FBXL17: variants seen among roughly 807,000 people sequenced by gnomAD.
FBXL17 encodes F-box/LRR-repeat protein 17.
Under a neutral mutation model 66.2 loss-of-function variants are expected in FBXL17, and 22 were observed. The ratio of observed to expected loss-of-function variants is 0.33; its 90% CI spans 0.24 to 0.47. FBXL17 has a LOEUF of 0.47. FBXL17 is among the 20% of genes least tolerant of loss of function. FBXL17 has a pLI of 1.00. For synonymous variants in FBXL17, 474 were observed against 400.5 expected (o/e 1.18, Z -2.19); for missense variants, 878 against 948.2 (o/e 0.93, Z 0.97).
At chr5:108,172,500 A>T (rs1752645040) in intron 6 of FBXL17, among the ~76,000 whole-genome samples, 1 of 152,234 alleles carries the variant, frequency 6.6e-6, no homozygotes, top group Non-Finnish European at 1.5e-5. Flanking sequence ...TATCTTCTAC[A>T]AAATAGAGAA....
At chr5:108,126,340 C>T (rs1411096590) in intron 6 of FBXL17, among the ~76,000 whole-genome samples, 2 of 152,014 alleles carry the variant, frequency 1.3e-5, no homozygotes, top group African/African-American at 4.8e-5. Context: ...GGTTCACTCA[C>T]TTCCCTCTAT....
At chr5:108,220,225 T>C (rs1373168568) in intron 5 of FBXL17, among the ~76,000 whole-genome samples, 1 of 152,046 alleles carries the variant, frequency 6.6e-6, no homozygotes, top group Admixed American at 6.6e-5. Context: ...CCTGGGATTC[T>C]TCTATGCAGT....
chr5:108,186,072 A>C (rs763671556), intron 6 of FBXL17, 45 bp downstream of exon 6: 1 of 1,461,102 alleles, frequency 6.8e-7, no homozygotes, highest in South Asian at 1.2e-5. Flanking sequence ...TATTTCCTAA[A>C]TGTTTTCCTC....
intron 4 of FBXL17, among the ~76,000 whole-genome samples, chr5:108,254,164 A>G (rs945575114): frequency 6.6e-6 from 1 of 152,224 alleles, no homozygotes; most frequent in Non-Finnish European, 1.5e-5. Flanking sequence ...TTCAAGTTGC[A>G]TTATATACTA....
At position 108,048,010 on chromosome 5, in the gene FBXL17, T is replaced by G. The variant is rs551574764; in HGVS notation, c.1746-27009A>C. Among the ~76,000 whole-genome samples, 122 of 152,272 alleles carry G rather than the reference T, an allele frequency of 8.0e-4. 1 individual carries two copies. The highest frequency in any genetic ancestry group is 2.8e-3 in the African/African-American group (116 of 41,552). On this transcript the variant is annotated intron_variant, in intron 6 of 8. Transcript: ENST00000542267. The stretch of plus-strand genomic sequence containing the variant: ...ACTGGGTGAGACCCTCCAACAGGGG[T>G]TGTCAGACACCCTAGAAAAGAGCGA...
intron 4 of FBXL17, among the ~76,000 whole-genome samples, chr5:108,325,639 C>A (rs969936335): frequency 1.3e-5 from 2 of 152,060 alleles, no homozygotes; most frequent in Non-Finnish European, 2.9e-5. Flanking sequence ...AGTTCTTAAG[C>A]AGGAAAGCAA....
Position 107,952,785 on chromosome 5 carries a change from A to G in FBXL17, c.1822+68140T>C, listed in dbSNP as rs551722952. ...CAGATTAAACTATACAGTGTACATG[A>G]ATATAGTTTGGACTAAGGAAGTCCA... is the stretch of plus-strand genomic sequence containing the variant. On this transcript the variant is annotated intron_variant, in intron 7 of 8. Coordinates refer to ENST00000542267, the MANE Select transcript of FBXL17 (RefSeq NM_001163315.3). 1.1e-4 allele frequency among the ~76,000 whole-genome samples: 17 copies of G among 152,328 alleles called. No individual in the cohort carries two copies. The South Asian group carries it at 2.9e-3, about 26-fold the overall frequency.
chr5:108,327,355 A>G (rs1464074470), intron 4 of FBXL17, among the ~76,000 whole-genome samples: 1 of 152,204 alleles, frequency 6.6e-6, no homozygotes, highest in South Asian at 2.1e-4. Context: ...CATTTCAGTT[A>G]TAAGCCAGTA....
intron 8 of FBXL17, among the ~76,000 whole-genome samples, chr5:107,869,290 CTG>C (rs1748376991): frequency 6.6e-6 from 1 of 152,160 alleles, no homozygotes; most frequent in African/African-American, 2.4e-5. Context: ...CTCTGGGAAA[CTG>C]TAGCAGATAT....
intron 6 of FBXL17, among the ~76,000 whole-genome samples, chr5:108,144,898 G>C (rs1416528233): frequency 6.6e-6 from 1 of 152,080 alleles, no homozygotes; most frequent in Non-Finnish European, 1.5e-5. Context: ...AAGTAATTTA[G>C]TTAGACTTAC....
intron 6 of FBXL17, among the ~76,000 whole-genome samples, chr5:108,120,715 C>T (rs181144312): frequency 3.5e-4 from 53 of 152,188 alleles, no homozygotes; most frequent in Middle Eastern, 3.4e-3. Flanking sequence ...TGCCTGTAGT[C>T]GTAGCTACTC....
At position 108,008,959 on chromosome 5, in the gene FBXL17, C is replaced by T. The variant is rs1006043789; in HGVS notation, c.1822+11966G>A. 1.1e-4 allele frequency among the ~76,000 whole-genome samples: 17 copies of T among 150,848 alleles called. 1 individual carries two copies. Among genetic ancestry groups the T allele is most frequent in the Non-Finnish European group, 2.2e-4 (15 of 67,792 alleles). Reference sequence around the variant, plus strand: ...AAAGCAAACTGCTTTCTTGGAGAGGCTCCTAGAGCCATATGTGAGGAAAGA... The same window carrying T: ...AAAGCAAACTGCTTTCTTGGAGAGGTTCCTAGAGCCATATGTGAGGAAAGA... On this transcript the variant is annotated intron_variant, in intron 7 of 8. Transcript: ENST00000542267.
At chr5:108,367,751 G>C (rs1748764500) in intron 2 of FBXL17, 80 bp downstream of exon 2, 1 of 1,155,660 alleles carries the variant, frequency 8.7e-7, no homozygotes, top group African/African-American at 1.6e-5. Context: ...AAAACAAGAA[G>C]ACAGTAAAGA....
chr5:108,169,529 T>C (rs1752530632), intron 6 of FBXL17, among the ~76,000 whole-genome samples: 1 of 152,230 alleles, frequency 6.6e-6, no homozygotes, highest in Admixed American at 6.5e-5. Flanking sequence ...ATAAGAATGT[T>C]ATGTTTCTCC....
intron 4 of FBXL17, among the ~76,000 whole-genome samples, chr5:108,327,854 G>A (rs994990398): frequency 5.3e-5 from 8 of 152,152 alleles, no homozygotes; most frequent in African/African-American, 1.9e-4. Flanking sequence ...ACAAGAGGGA[G>A]GCTAACATTT....
Position 108,265,984 on chromosome 5 carries a change from C to A in FBXL17, c.1507-41756G>T, listed in dbSNP as rs143960018. ...CTTCATATACAGAAATACTTAGTTGCCCTTCAGTTTTTTCTTACTGAGGGG... is the reference window on the plus strand; with the variant it reads ...CTTCATATACAGAAATACTTAGTTGACCTTCAGTTTTTTCTTACTGAGGGG... On this transcript the variant is annotated intron_variant, in intron 4 of 8. Transcript: ENST00000542267. Among the ~76,000 whole-genome samples the A allele has an allele frequency of 2.8e-3, 420 of 152,188 alleles. 4 individuals are homozygous for A. The highest frequency in any genetic ancestry group is 9.7e-3 in the African/African-American group (401 of 41,536).
At chr5:108,089,705 G>C (rs1281410049) in intron 6 of FBXL17, among the ~76,000 whole-genome samples, 1 of 152,088 alleles carries the variant, frequency 6.6e-6, no homozygotes, top group Admixed American at 6.5e-5. Flanking sequence ...TTTAGTTTTT[G>C]TTTTGTTCAC....
intron 5 of FBXL17, among the ~76,000 whole-genome samples, chr5:108,214,732 A>G (rs938145531): frequency 1.3e-5 from 2 of 152,160 alleles, no homozygotes; most frequent in African/African-American, 2.4e-5. Context: ...CTAACCCAAG[A>G]TCACAAAAGT....
chr5:108,310,354 T>C (rs1385705161), intron 4 of FBXL17, among the ~76,000 whole-genome samples: 1 of 152,202 alleles, frequency 6.6e-6, no homozygotes, highest in Admixed American at 6.5e-5. Context: ...CCAAATATCT[T>C]GACCTCAATT....
Sources: gnomAD v4.1 joint callset for allele counts (sites outside exome capture counted in the v4.1 genomes callset) on GRCh38, gnomAD v4.1.1 for gene constraint, MANE v1.5 for transcripts, NCBI Gene and HGNC (gene_info 2026-07-23, HGNC 2026-07-21) for gene names.